Variants in IRX2 observed in about 807,000 individuals in gnomAD.
IRX2 encodes the protein iroquois-class homeodomain protein IRX-2.
A neutral mutation model predicts 42.9 loss-of-function variants in IRX2; 26 were observed. That is an observed-to-expected ratio of 0.61 (90% CI 0.44 to 0.84). The LOEUF is 0.84. Among genes scored for constraint, IRX2 ranks in the 40% least tolerant of loss-of-function variants. The pLI is 0.00. For missense variants in IRX2, 782 were observed against 713.9 expected, an observed-to-expected ratio of 1.10 and a Z score of -1.09; for synonymous variants, 424 against 353.9, an observed-to-expected ratio of 1.20 and a Z score of -2.22.
Position 2,751,675 on chromosome 5 carries a change from A to T in IRX2, c.-262T>A, listed in dbSNP as rs1284521562. The T allele has an allele frequency of 6.6e-6, 1 of 150,480 alleles. No individual in the cohort carries two copies. Among genetic ancestry groups the T allele is most frequent in the Non-Finnish European group, 1.5e-5 (1 of 67,372 alleles). 9.3% of individuals were successfully genotyped at this position (150,480 alleles called of 1,614,324 possible). A position where few individuals can be genotyped will look rare whatever the true frequency, so the allele number is the denominator to read the frequency against. Reference sequence around the variant, plus strand: ...GGGTTTGGGGGAGTCTGGAGTCGGGAGTGAGGAGTTGAGGAAGGAGCGCTC... The same window carrying T: ...GGGTTTGGGGGAGTCTGGAGTCGGGTGTGAGGAGTTGAGGAAGGAGCGCTC... On this transcript the variant is annotated 5_prime_UTR_variant, in exon 1 of 4. Coordinates refer to ENST00000302057, the MANE Select transcript of IRX2 (RefSeq NM_033267.5). The surrounding 1 kb of genome is among the most constrained non-coding windows in gnomAD (Gnocchi z 4.0).
chr5:2,747,920 T>C (rs577597103), intron 3 of IRX2, among the ~76,000 whole-genome samples: 29 of 152,306 alleles, frequency 1.9e-4, no homozygotes, highest in Admixed American at 7.2e-4. Context: ...TTTTATCTTT[T>C]GAAGACAAAA....
chr5:2,751,316 C>G lies in IRX2; in HGVS notation c.98G>C (p.Ser33Thr). ...YGASALAAPR[S>T]EELARSASGS... ...CGACGCCGAGCGCGCCAGCTCCTCG[C>G]TGCGCGGAGCCGCCAAAGCCGACGC... The change falls in exon 1 of 4, where the codon AGC (serine) becomes ACC (threonine). Residue 33 changes from serine (S) to threonine (T), a missense_variant. Physicochemically the swap from Ser to Thr is moderately conservative, Grantham distance 58. Transcript: ENST00000302057. The surrounding 1 kb of genome is among the most constrained non-coding windows in gnomAD (Gnocchi z 4.0). The G allele has an allele frequency of 7.0e-7, 1 of 1,437,578 alleles. No individual in the cohort carries two copies. The highest frequency in any genetic ancestry group is 9.1e-7 in the Non-Finnish European group (1 of 1,095,948). 89.1% of individuals were successfully genotyped at this position (1,437,578 alleles called of 1,614,324 possible).
chr5:2,751,433 G>T lies in IRX2; in HGVS notation c.-20C>A. ...GGACATGGTGGGCGCGGGGCGCGGG[G>T]CCCGCGTCACGCCGAGCAGCGGGCA... On this transcript the variant is annotated 5_prime_UTR_variant, in exon 1 of 4. Coordinates refer to ENST00000302057, the MANE Select transcript of IRX2 (RefSeq NM_033267.5). This position sits in a 1 kb window ranked among gnomAD's most constrained non-coding sequence, Gnocchi z 4.0. The T allele has an allele frequency of 8.0e-7, 1 of 1,256,728 alleles. No homozygotes were observed. The allele number at this position is 1,256,728 out of a possible 1,614,324, so 77.8% of individuals were successfully genotyped here.
At chr5:2,742,685 A>C (rs1476404307), downstream of IRX2, among the ~76,000 whole-genome samples, 1 of 152,318 alleles carries the variant, frequency 6.6e-6, no homozygotes, top group East Asian at 1.9e-4. Context: ...ACTAAAGAAA[A>C]ATTATATAGT....
downstream of IRX2, among the ~76,000 whole-genome samples, chr5:2,741,701 T>C (rs112937623): frequency 7.8e-3 from 1,192 of 152,336 alleles, 17 homozygotes; most frequent in African/African-American, 0.027. Flanking sequence ...ATGCGAGTGC[T>C]TGTGTAGCAT....
downstream of IRX2, chr5:2,745,886 T>G (rs1330431763): frequency 1.3e-5 from 2 of 152,318 alleles, no homozygotes; most frequent in African/African-American, 4.8e-5. Flanking sequence ...TTTAAAAATT[T>G]ACACTAACAA....
the IRX2 span, among the ~76,000 whole-genome samples, chr5:2,738,513 G>A: frequency 1.3e-5 from 2 of 151,856 alleles, no homozygotes; most frequent in Non-Finnish European, 2.9e-5. Flanking sequence ...CGCTTGGGCC[G>A]AGTTGTCCTC....
intron 3 of IRX2, 77 bp downstream of exon 3, chr5:2,748,268 G>T: frequency 7.8e-7 from 1 of 1,285,406 alleles, no homozygotes; most frequent in South Asian, 1.9e-5. Context: ...ACCCTCCCTC[G>T]GGTCTCCCGG....
At chr5:2,743,033 C>A (rs1737576607), downstream of IRX2, among the ~76,000 whole-genome samples, 1 of 152,226 alleles carries the variant, frequency 6.6e-6, no homozygotes, top group Admixed American at 6.5e-5. Flanking sequence ...CCGCAGAGAT[C>A]TAATAAACAC....
downstream of IRX2, among the ~76,000 whole-genome samples, chr5:2,742,493 A>T (rs2111436103): frequency 6.6e-6 from 1 of 152,342 alleles, no homozygotes; most frequent in East Asian, 1.9e-4. Flanking sequence ...TAATCATAAT[A>T]TCCACATAGC....
chr5:2,743,443 A>C (rs1402866087), downstream of IRX2, among the ~76,000 whole-genome samples: 2 of 152,000 alleles, frequency 1.3e-5, no homozygotes, highest in African/African-American at 4.8e-5. Flanking sequence ...CCTGAGATTA[A>C]AGCGCGAATT....
rs1229773210 is a variant in IRX2, at chr5:2,749,045, G to A, written c.663C>T (p.Ser221=). Residue 221 remains serine, a synonymous_variant, in exon 3 of 4, where the codon AGC becomes AGT. Transcript: ENST00000302057. Reference sequence around the variant, plus strand: ...GATCCGTGAGCGAGTCCACGTGCAGGCTGATCCCTGTGGGGGCGCGGGCAC... The same window carrying A: ...GATCCGTGAGCGAGTCCACGTGCAGACTGATCCCTGTGGGGGCGCGGGCAC... ...TETSAEDEGI[S]LHVDSLTDHS... 6.3e-7 allele frequency: 1 copy of A among 1,596,644 alleles called. No homozygotes were observed. The highest frequency in any genetic ancestry group is 8.5e-7 in the Non-Finnish European group (1 of 1,179,048).
chr5:2,736,654 T>G, the IRX2 span: 2 of 152,246 alleles, frequency 1.3e-5, no homozygotes, highest in African/African-American at 2.4e-5. Flanking sequence ...GTGAAAATCT[T>G]GATTGCTACA....
the IRX2 span, chr5:2,737,695 C>T: frequency 7.9e-5 from 12 of 152,284 alleles, no homozygotes; most frequent in South Asian, 4.1e-4. Context: ...GTTCACCCAT[C>T]GTACTCCATC....
chr5:2,751,028 C>G lies in IRX2; in HGVS notation c.249+137G>C, dbSNP rs1258751950. On this transcript the variant is annotated intron_variant, in intron 1 of 3. Coordinates refer to ENST00000302057, the MANE Select transcript of IRX2 (RefSeq NM_033267.5). The surrounding 1 kb of genome is among the most constrained non-coding windows in gnomAD (Gnocchi z 4.0). The stretch of plus-strand genomic sequence containing the variant: ...CGGCTCAGCCTGCGGGGCGGCCAAC[C>G]GAGCCGGCGACTCCTGAGTCGCCAG... The G allele has an allele frequency of 1.9e-6, 2 of 1,043,500 alleles. No individual in the cohort carries two copies. The highest frequency in any genetic ancestry group is 1.2e-6 in the Non-Finnish European group (1 of 835,326). 64.6% of individuals were successfully genotyped at this position (1,043,500 alleles called of 1,614,324 possible).
At chr5:2,736,135 C>T in the IRX2 span, among the ~76,000 whole-genome samples, 1 of 152,166 alleles carries the variant, frequency 6.6e-6, no homozygotes, top group South Asian at 2.1e-4. Flanking sequence ...AGTCTTCCCC[C>T]AAGCCCCTGT....
In IRX2 at chr5:2,748,706, C is replaced by G; in HGVS notation, c.1002G>C (p.Glu334Asp). 7.1e-7 allele frequency: 1 copy of G among 1,401,142 alleles called. No homozygotes were observed. Among genetic ancestry groups the G allele is most frequent in the Non-Finnish European group, 9.3e-7 (1 of 1,078,548 alleles). The allele number at this position is 1,401,142 out of a possible 1,614,324, so 86.8% of individuals were successfully genotyped here. Residue 334 changes from glutamate (E) to aspartate (D), a missense_variant, in exon 3 of 4, where the codon GAG (glutamate) becomes GAC (aspartate). Glu to Asp is a conservative substitution (Grantham distance 45, BLOSUM62 2). This residue lies in a region of IRX2 where 520 missense variants were observed against 437.8 expected (regional missense o/e 1.19). Transcript: ENST00000302057. ...GCTGCTTGAGGTCCGACGTGGCGAT[C>G]TCGGCCAGCGACCACAGCTTGGGCT... ...ASKPKLWSLA[E>D]IATSDLKQPS...
chr5:2,738,501 C>G, the IRX2 span, among the ~76,000 whole-genome samples: 1 of 152,172 alleles, frequency 6.6e-6, no homozygotes, highest in East Asian at 1.9e-4. Context: ...CCCCCTGTTC[C>G]CCGCTTGGGC....
the IRX2 span, chr5:2,736,682 A>G: frequency 6.6e-6 from 1 of 152,196 alleles, no homozygotes; most frequent in East Asian, 1.9e-4. Flanking sequence ...GAGTGATTCT[A>G]TTTTTTTAAA....
Sources: gnomAD v4.1 joint callset for allele counts (sites outside exome capture counted in the v4.1 genomes callset) on GRCh38, gnomAD v4.1.1 for gene constraint, gnomAD v4.1.1 regional missense constraint, Gnocchi (gnomAD v3.1) non-coding constraint, MANE v1.5 for transcripts, NCBI Gene and HGNC (gene_info 2026-07-23, HGNC 2026-07-21) for gene names.